CD96: variants seen among roughly 807,000 people sequenced by gnomAD.
CD96 encodes T-cell surface protein tactile.
CD96 carries 70 observed loss-of-function variants against 71.3 expected under a neutral mutation model. That is an observed-to-expected ratio of 0.98 (90% CI 0.81 to 1.20). The LOEUF (loss-of-function observed/expected upper bound fraction) is 1.20, where lower values mean the gene tolerates loss of function less well. Among genes scored for constraint, CD96 ranks in the 50% most tolerant of loss-of-function variants. The pLI is 0.00. For synonymous variants in CD96, 248 were observed against 233.0 expected, an observed-to-expected ratio of 1.06 and a Z score of -0.59; for missense variants, 742 against 677.5, an observed-to-expected ratio of 1.10 and a Z score of -1.06.
At chr3:111,589,665 A>AAT (rs1210028370) in intron 5 of CD96, among the ~76,000 whole-genome samples, 16 of 152,216 alleles carry the variant, frequency 1.1e-4, no homozygotes, top group Non-Finnish European at 1.5e-4. Flanking sequence ...GAGCCTCTGA[A>AAT]ATAGATAGGG....
intron 10 of CD96, among the ~76,000 whole-genome samples, chr3:111,631,632 A>C (rs1312252592): frequency 3.3e-5 from 4 of 120,032 alleles, no homozygotes; most frequent in Admixed American, 8.3e-5. Context: ...CAGAACTGGA[A>C]AAAAAAAAAA....
intron 2 of CD96, among the ~76,000 whole-genome samples, chr3:111,550,432 T>A (rs1314657734): frequency 1.3e-5 from 2 of 152,046 alleles, no homozygotes; most frequent in African/African-American, 4.8e-5. Context: ...GTGGTTTCAA[T>A]TAATAAGAAA....
downstream of CD96, among the ~76,000 whole-genome samples, chr3:111,656,390 A>G (rs910097284): frequency 6.6e-6 from 1 of 152,200 alleles, no homozygotes; most frequent in Non-Finnish European, 1.5e-5. Flanking sequence ...AAACATGCAC[A>G]CTCATATACT....
chr3:111,594,860 A>G (rs1937180471), intron 5 of CD96: 1 of 167,156 alleles, frequency 6.0e-6, no homozygotes, highest in Admixed American at 6.5e-5. Flanking sequence ...TCTGGATAAT[A>G]AAGTTCCCAA....
At chr3:111,629,967 G>A (rs1274611996) in intron 10 of CD96, among the ~76,000 whole-genome samples, 2 of 151,894 alleles carry the variant, frequency 1.3e-5, no homozygotes, top group Non-Finnish European at 2.9e-5. Flanking sequence ...TTGAAACCAA[G>A]AACAACAATA....
Position 111,594,003 on chromosome 3 carries a change from G to A in CD96, c.808-4117G>A, listed in dbSNP as rs149742663. 109 of 1,614,088 alleles carry A rather than the reference G, an allele frequency of 6.8e-5. No homozygotes were observed. Among genetic ancestry groups the A allele is most frequent in the African/African-American group, 1.9e-4 (14 of 74,940 alleles). On this transcript the variant is annotated intron_variant, in intron 5 of 13. Transcript: ENST00000352690. ...TACTGGTTGGGATGGTGCCCAGCAC[G>A]AGCAGGAGCTAGGTGGAAATATTCC...
intron 3 of CD96, chr3:111,571,009 G>C: frequency 2.1e-6 from 3 of 1,454,316 alleles, no homozygotes; most frequent in South Asian, 2.3e-5. Flanking sequence ...TGCTCCTCCA[G>C]CTTCTCTTTT....
intron 10 of CD96, 119 bp downstream of exon 10, chr3:111,624,523 T>C (rs933860546): frequency 1.8e-5 from 13 of 730,296 alleles, no homozygotes; most frequent in Non-Finnish European, 3.2e-5. Flanking sequence ...TCACAAAGCA[T>C]CTATCATGTT....
intron 4 of CD96, among the ~76,000 whole-genome samples, chr3:111,582,161 T>C (rs1390597777): frequency 6.6e-6 from 1 of 152,212 alleles, no homozygotes; most frequent in Non-Finnish European, 1.5e-5. Flanking sequence ...AATAAATCAT[T>C]ATGCAAAGAG....
intron 1 of CD96, among the ~76,000 whole-genome samples, chr3:111,542,974 C>A (rs7628253): frequency 6.6e-6 from 1 of 151,974 alleles, no homozygotes; most frequent in Non-Finnish European, 1.5e-5. Context: ...GCTTTTCAGA[C>A]ATAGCTATGA....
At chr3:111,619,027 T>C (rs536188207) in intron 8 of CD96, among the ~76,000 whole-genome samples, 3 of 152,358 alleles carry the variant, frequency 2.0e-5, no homozygotes, top group Non-Finnish European at 4.4e-5. Flanking sequence ...TTCCCAAAAG[T>C]TAATCAACCA....
chr3:111,648,915 A>G (rs1230026215), intron 13 of CD96, among the ~76,000 whole-genome samples: 13 of 152,220 alleles, frequency 8.5e-5, no homozygotes. Flanking sequence ...TCTTTAATGC[A>G]TTTCGGAAAA....
At chr3:111,606,340 A>G (rs1399555141) in intron 7 of CD96, among the ~76,000 whole-genome samples, 12 of 152,174 alleles carry the variant, frequency 7.9e-5, no homozygotes, top group Admixed American at 7.8e-4. Flanking sequence ...AAAATATTAA[A>G]TGCTATAATA....
At chr3:111,588,956 T>A (rs1237941761) in intron 5 of CD96, among the ~76,000 whole-genome samples, 1 of 117,554 alleles carries the variant, frequency 8.5e-6, no homozygotes, top group Non-Finnish European at 1.6e-5. Flanking sequence ...TTTTTTTTCT[T>A]TTTTTTTTTT....
intron 4 of CD96, 75 bp downstream of exon 4, chr3:111,579,309 C>G: frequency 1.2e-6 from 1 of 847,186 alleles, no homozygotes; most frequent in Non-Finnish European, 2.1e-6. Context: ...GAGGAAGCAC[C>G]CTATTATGCT....
intron 2 of CD96, among the ~76,000 whole-genome samples, chr3:111,566,043 T>A (rs934303505): frequency 2.0e-5 from 3 of 149,324 alleles, no homozygotes; most frequent in African/African-American, 7.3e-5. Flanking sequence ...TATATATAAT[T>A]TTTAGCCCTA....
chr3:111,604,887 A>AG (rs35617941), intron 7 of CD96, among the ~76,000 whole-genome samples: 9,075 of 152,284 alleles, frequency 0.06, 680 homozygotes, highest in East Asian at 0.22. Flanking sequence ...AAAGAAAAAA[A>AG]GGGAAAAACT....
At chr3:111,591,777 A>G (rs1434663076) in intron 5 of CD96, among the ~76,000 whole-genome samples, 2 of 152,216 alleles carry the variant, frequency 1.3e-5, no homozygotes, top group East Asian at 1.9e-4. Flanking sequence ...ATCTCTAGAT[A>G]AAAAAAGAAC....
chr3:111,649,503 C>T (rs1487778482), intron 13 of CD96, among the ~76,000 whole-genome samples, 195 bp from the exon 14 acceptor site: 2 of 152,122 alleles, frequency 1.3e-5, no homozygotes. Context: ...CTACAAAATA[C>T]CGTATAGATC....
Sources: gnomAD v4.1 joint callset for allele counts (sites outside exome capture counted in the v4.1 genomes callset) on GRCh38, gnomAD v4.1.1 for gene constraint, MANE v1.5 for transcripts, NCBI Gene and HGNC (gene_info 2026-07-23, HGNC 2026-07-21) for gene names.